The following SQLE variants were observed in gnomAD, a reference collection of about 807,000 sequenced individuals.
The protein encoded by SQLE is squalene monooxygenase.
SQLE carries 29 observed loss-of-function variants against 60.7 expected under a neutral mutation model. That is an observed-to-expected ratio of 0.48 (90% CI 0.36 to 0.65). SQLE has a LOEUF of 0.65. SQLE is among the 30% of genes least tolerant of loss of function. SQLE has a pLI of 0.00. For missense variants in SQLE, 605 were observed against 684.1 expected (o/e 0.88, Z 1.29); for synonymous variants, 237 against 246.8 (o/e 0.96, Z 0.37).
chr8:125,007,619 G>GC, intron 4 of SQLE, 132 bp downstream of exon 4: 1 of 538,734 alleles, frequency 1.9e-6, no homozygotes, highest in Admixed American at 3.7e-5. Context: ...GGGATCAGAA[G>GC]TGTTTCAGAT....
At chr8:125,003,511 G>A (rs1295226792) in intron 2 of SQLE, 83 bp downstream of exon 2, 1 of 1,445,358 alleles carries the variant, frequency 6.9e-7, no homozygotes, top group East Asian at 2.3e-5. Flanking sequence ...CAGTAAGAAG[G>A]TATTCCATTT....
In SQLE at chr8:125,011,608, C is replaced by T. The variant is rs1393334886; in HGVS notation, c.1180C>T (p.Pro394Ser). The change falls in exon 7 of 11, where the codon CCT (proline) becomes TCT (serine). Residue 394 changes from proline (P) to serine (S), a missense_variant. Coordinates refer to ENST00000265896, the MANE Select transcript of SQLE (RefSeq NM_003129.4). ...GAGGTCCATGCCAGCAAGCTTCCTT[C>T]CTCCTTCATCAGTGAAGAAACGAGG... ...HLRSMPASFL[P>S]PSSVKKRGVL... 1 of 1,581,698 alleles carries T rather than the reference C, an allele frequency of 6.3e-7. No individual in the cohort carries two copies. The highest frequency in any genetic ancestry group is 8.6e-7 in the Non-Finnish European group (1 of 1,162,016).
At chr8:125,007,572 C>T (rs867841752) in intron 4 of SQLE, 85 bp downstream of exon 4, 64 of 826,248 alleles carry the variant, frequency 7.7e-5, no homozygotes, top group Non-Finnish European at 1.1e-4. Flanking sequence ...GTAGGCTTAC[C>T]GGTTTACATG....
Position 124,999,272 on chromosome 8 carries a change from C to A in SQLE, c.-132C>A. ...AACTGGTCTGATCGGACTTCTCGTC[C>A]TGGGACACTGTTTACTGGAGTCTGG... is the stretch of plus-strand genomic sequence containing the variant. On this transcript the variant is annotated 5_prime_UTR_variant, in exon 1 of 11. In the 5' UTR this introduces an upstream ATG that the reference lacks. Coordinates refer to ENST00000265896, the MANE Select transcript of SQLE (RefSeq NM_003129.4). The A allele has an allele frequency of 1.2e-6, 1 of 847,306 alleles. No individual in the cohort carries two copies. Among genetic ancestry groups the A allele is most frequent in the Non-Finnish European group, 1.6e-6 (1 of 617,514 alleles). The allele number at this position is 847,306 out of a possible 1,614,324, so 52.5% of individuals were successfully genotyped here.
In SQLE at chr8:124,999,076, G is replaced by A. The variant is rs1429661569; in HGVS notation, c.-328G>A. The A allele has an allele frequency of 6.7e-6, 2 of 297,766 alleles. No individual in the cohort carries two copies. The highest frequency in any genetic ancestry group is 6.1e-6 in the Non-Finnish European group (1 of 163,604). 18.4% of individuals were successfully genotyped at this position (297,766 alleles called of 1,614,324 possible). A position where few individuals can be genotyped will look rare whatever the true frequency, so the allele number is the denominator to read the frequency against. On this transcript the variant is annotated 5_prime_UTR_variant, in exon 1 of 11. Coordinates refer to ENST00000265896, the MANE Select transcript of SQLE (RefSeq NM_003129.4). ...AGAGTATCCATCACCCGCAGCAACC[G>A]CTCAGGGAACACCATCAAAAAAGAA...
chr8:125,003,137 A>G (rs1814886155), intron 1 of SQLE, 39 bp from the exon 2 acceptor site: 1 of 1,541,566 alleles, frequency 6.5e-7, no homozygotes, highest in African/African-American at 1.4e-5. Context: ...TGAATCTAAC[A>G]AATTTGGATA....
chr8:125,007,469 AGAGACTG>A lies in SQLE; in HGVS notation c.809_815del (p.Thr270IlefsTer9). On this transcript the variant is annotated frameshift_variant, in exon 4 of 11. Transcript: ENST00000265896. LOFTEE classifies it high-confidence loss of function. ...TGATGGGAGTTCAGTACAAGGATAA[AGAGACTG>A]GAGATATCAAGGTGAGAAATACCAA... The A allele has an allele frequency of 1.3e-6, 2 of 1,547,422 alleles. No homozygotes were observed. Among genetic ancestry groups the A allele is most frequent in the Non-Finnish European group, 1.7e-6 (2 of 1,144,428 alleles).
chr8:125,021,587 A>G (rs1040351925), intron 10 of SQLE, among the ~76,000 whole-genome samples, 166 bp from the exon 11 acceptor site: 10 of 151,886 alleles, frequency 6.6e-5, no homozygotes, highest in African/African-American at 2.4e-4. Context: ...ACATGCAGAC[A>G]TATTTGTGAC....
At chr8:125,014,193 AC>A (rs1365552302) in intron 7 of SQLE, among the ~76,000 whole-genome samples, 3 of 152,166 alleles carry the variant, frequency 2.0e-5, no homozygotes, top group African/African-American at 4.8e-5. Flanking sequence ...AATGTAAAAA[AC>A]GTGATGATTT....
At chr8:125,017,956 C>A (rs1173477787) in intron 7 of SQLE, 103 bp from the exon 8 acceptor site, 1 of 1,305,500 alleles carries the variant, frequency 7.7e-7, no homozygotes, top group African/African-American at 1.5e-5. Flanking sequence ...TCACATTTTT[C>A]TTATTATTAG....
intron 8 of SQLE, 68 bp downstream of exon 8, chr8:125,018,269 G>A: frequency 6.6e-7 from 1 of 1,511,606 alleles, no homozygotes; most frequent in South Asian, 1.2e-5. Flanking sequence ...GAGCAGTGGG[G>A]CTCTGATGGG....
In SQLE at chr8:124,999,131, A is replaced by T. The variant is rs1814798357; in HGVS notation, c.-273A>T. ...AGGGAATATCTGGATTTCCTGGGCGAGGAGGAGCGAGTCTGCTCGGGAGCT... is the reference window on the plus strand; with the variant it reads ...AGGGAATATCTGGATTTCCTGGGCGTGGAGGAGCGAGTCTGCTCGGGAGCT... On this transcript the variant is annotated 5_prime_UTR_variant, in exon 1 of 11. Coordinates refer to ENST00000265896, the MANE Select transcript of SQLE (RefSeq NM_003129.4). 1 of 373,632 alleles carries T rather than the reference A, an allele frequency of 2.7e-6. No individual in the cohort carries two copies. Among genetic ancestry groups the T allele is most frequent in the Admixed American group, 4.6e-5 (1 of 21,912 alleles). The allele number at this position is 373,632 out of a possible 1,614,324, so 23.1% of individuals were successfully genotyped here. A position where few individuals can be genotyped will look rare whatever the true frequency, so the allele number is the denominator to read the frequency against.
intron 1 of SQLE, among the ~76,000 whole-genome samples, chr8:125,001,999 A>G (rs951287302): frequency 5.3e-5 from 8 of 152,190 alleles, no homozygotes; most frequent in African/African-American, 1.9e-4. Context: ...AGTGGTCATA[A>G]ATCTCTCAAA....
At chr8:125,011,782 CTATT>C (rs1383490526) in intron 7 of SQLE, 150 bp downstream of exon 7, 25 of 684,708 alleles carry the variant, frequency 3.7e-5, no homozygotes, top group Non-Finnish European at 5.5e-5. Flanking sequence ...GTTTTATGAT[CTATT>C]TAGTTGTTAA....
At chr8:125,019,643 G>A (rs1366384910) in intron 9 of SQLE, among the ~76,000 whole-genome samples, 10 of 152,156 alleles carry the variant, frequency 6.6e-5, no homozygotes, top group Non-Finnish European at 1.3e-4. Flanking sequence ...CACCACAGCA[G>A]TGTACACATC....
chr8:125,002,861 T>C (rs1191367902), intron 1 of SQLE, among the ~76,000 whole-genome samples: 1 of 152,208 alleles, frequency 6.6e-6, no homozygotes, highest in Admixed American at 6.5e-5. Flanking sequence ...AAGCCCCTTA[T>C]AAACATTTAT....
chr8:125,020,855 G>C lies in SQLE; in HGVS notation c.1516G>C (p.Val506Leu). Residue 506 changes from valine (V) to leucine (L), a missense_variant, in exon 10 of 11, where the codon GTT (valine) becomes CTT (leucine). Val to Leu is a conservative substitution (Grantham distance 32). Coordinates refer to ENST00000265896, the MANE Select transcript of SQLE (RefSeq NM_003129.4). Reference protein sequence around the residue: ...KLGGECVAGPVGLLSVLSPNP... With the variant: ...KLGGECVAGPLGLLSVLSPNP... ...TGGTGGCGAATGTGTTGCGGGTCCT[G>C]TTGGGCTGCTTTCTGTGTAAGTTGT... is the stretch of plus-strand genomic sequence containing the variant. 2 of 1,613,204 alleles carry C rather than the reference G, an allele frequency of 1.2e-6. No homozygotes were observed. Among genetic ancestry groups the C allele is most frequent in the Non-Finnish European group, 1.7e-6 (2 of 1,179,366 alleles).
At chr8:125,005,816 G>A in intron 3 of SQLE, 111 bp downstream of exon 3, 1 of 810,792 alleles carries the variant, frequency 1.2e-6, no homozygotes, top group Admixed American at 3.7e-5. Flanking sequence ...GCATAGTCTA[G>A]AACATATGTA....
rs779799744 is a variant in SQLE at position 125,018,066 on chromosome 8, T to C, written c.1212T>C (p.Leu404=). The C allele has an allele frequency of 6.2e-7, 1 of 1,613,502 alleles. No individual in the cohort carries two copies. The highest frequency in any genetic ancestry group is 8.5e-7 in the Non-Finnish European group (1 of 1,179,784). ...CATTACCTCTCTTCATAGGTGTTCTTCTTTTGGGAGACGCATATAATATGA... is the reference window on the plus strand; with the variant it reads ...CATTACCTCTCTTCATAGGTGTTCTCCTTTTGGGAGACGCATATAATATGA... The part of the protein sequence containing the change: ...PPSSVKKRGV[L]LLGDAYNMRH... Residue 404 remains leucine, a synonymous_variant, in exon 8 of 11, where the codon CTT becomes CTC. Transcript: ENST00000265896.
Sources: gnomAD v4.1 joint callset for allele counts (sites outside exome capture counted in the v4.1 genomes callset) on GRCh38, gnomAD v4.1.1 for gene constraint, MANE v1.5 for transcripts, NCBI Gene and HGNC (gene_info 2026-07-23, HGNC 2026-07-21) for gene names.